The following DSCAM variants were observed in gnomAD, a reference collection of about 807,000 sequenced individuals.
The protein encoded by DSCAM is cell adhesion molecule DSCAM.
DSCAM carries 47 observed loss-of-function variants against 217.7 expected under a neutral mutation model. The ratio of observed to expected loss-of-function variants is 0.22; its 90% CI spans 0.17 to 0.28. The LOEUF (loss-of-function observed/expected upper bound fraction) is 0.28. Among genes scored for constraint, DSCAM ranks in the 10% least tolerant of loss-of-function variants. The pLI is 1.00. For synonymous variants in DSCAM, 1,056 were observed against 1,015.3 expected (o/e 1.04, Z -0.76); for missense variants, 2,080 against 2,618.3 (o/e 0.79, Z 4.49).
chr21:40,317,598 C>A (rs1052440616), intron 8 of DSCAM, among the ~76,000 whole-genome samples: 1 of 151,868 alleles, frequency 6.6e-6, no homozygotes, highest in African/African-American at 2.4e-5. Flanking sequence ...GGCATGATCT[C>A]GCCTCACTGC....
At chr21:40,539,490 C>T (rs1330308162) in intron 3 of DSCAM, among the ~76,000 whole-genome samples, 3 of 148,256 alleles carry the variant, frequency 2.0e-5, no homozygotes, top group Non-Finnish European at 4.5e-5. Flanking sequence ...AGCGAGACTC[C>T]ATCTCAAAAA....
intron 11 of DSCAM, among the ~76,000 whole-genome samples, chr21:40,246,790 G>A (rs562777857): frequency 6.6e-6 from 1 of 152,322 alleles, no homozygotes; most frequent in Non-Finnish European, 1.5e-5. Flanking sequence ...TCAATGTGGA[G>A]ACTGAGAGAG....
intron 32 of DSCAM, among the ~76,000 whole-genome samples, chr21:40,017,103 CAA>C (rs372118440): frequency 2.8e-3 from 239 of 86,182 alleles, no homozygotes; most frequent in African/African-American, 3.6e-3. Flanking sequence ...AACTCCATCT[CAA>C]AAAAAAAAAA....
intron 3 of DSCAM, among the ~76,000 whole-genome samples, chr21:40,391,214 C>T (rs2075130933): frequency 6.6e-6 from 1 of 152,196 alleles, no homozygotes; most frequent in Non-Finnish European, 1.5e-5. Flanking sequence ...GGGCTGGACT[C>T]ATGGCTGTTA....
intron 3 of DSCAM, among the ~76,000 whole-genome samples, chr21:40,552,885 C>A (rs2076641614): frequency 6.6e-6 from 1 of 152,128 alleles, no homozygotes; most frequent in African/African-American, 2.4e-5. Flanking sequence ...GCATTATTTT[C>A]TATGCTTAAG....
intron 3 of DSCAM, among the ~76,000 whole-genome samples, chr21:40,565,929 T>C (rs776455919): frequency 7.2e-4 from 109 of 152,138 alleles, no homozygotes; most frequent in Admixed American, 3.1e-3. Context: ...CAACAACATG[T>C]ACCCTTTTAT....
intron 3 of DSCAM, among the ~76,000 whole-genome samples, chr21:40,591,712 T>C (rs1426540472): frequency 1.3e-5 from 2 of 152,230 alleles, no homozygotes; most frequent in Non-Finnish European, 2.9e-5. Context: ...ATAGTTATAA[T>C]AGGGACAAAC....
chr21:40,537,418 A>C (rs1384457150), intron 3 of DSCAM, among the ~76,000 whole-genome samples: 1 of 152,178 alleles, frequency 6.6e-6, no homozygotes, highest in Non-Finnish European at 1.5e-5. Flanking sequence ...AACATTGTTT[A>C]TTTGTGACAT....
chr21:40,669,224 T>C (rs907793034), intron 3 of DSCAM, among the ~76,000 whole-genome samples: 1 of 152,166 alleles, frequency 6.6e-6, no homozygotes, highest in African/African-American at 2.4e-5. Context: ...CTATATGATC[T>C]GTTTAAATTA....
At chr21:40,491,903 C>T (rs775727625) in intron 3 of DSCAM, among the ~76,000 whole-genome samples, 4 of 152,172 alleles carry the variant, frequency 2.6e-5, no homozygotes, top group Admixed American at 1.3e-4. Context: ...CCCCCCTTCC[C>T]GGGGGTCTCA....
In DSCAM at chr21:40,536,702, G is replaced by A. The variant is rs191302033; in HGVS notation, c.508+156108C>T. On this transcript the variant is annotated intron_variant, in intron 3 of 32. Transcript: ENST00000400454. ...ATTACAGGCGTGAGCCACTGCACCC[G>A]GTCCCGGTAGATTCTAATCTAATTC... is the stretch of plus-strand genomic sequence containing the variant. 1.6e-3 allele frequency among the ~76,000 whole-genome samples: 244 copies of A among 152,270 alleles called. 1 individual carries two copies. The highest frequency in any genetic ancestry group is 4.6e-3 in the African/African-American group (193 of 41,548).
At chr21:40,670,794 C>T (rs1381396698) in intron 3 of DSCAM, among the ~76,000 whole-genome samples, 3 of 152,168 alleles carry the variant, frequency 2.0e-5, no homozygotes, top group African/African-American at 7.2e-5. Flanking sequence ...CTGCTATGAA[C>T]ATGGGTGTAC....
intron 3 of DSCAM, among the ~76,000 whole-genome samples, chr21:40,516,749 C>G (rs2076302756): frequency 6.6e-6 from 1 of 152,032 alleles, no homozygotes; most frequent in Non-Finnish European, 1.5e-5. Flanking sequence ...GGGAAGGACT[C>G]TGCAGTGCCC....
intron 17 of DSCAM, 26 bp from the exon 18 acceptor site, chr21:40,142,730 A>G: frequency 6.2e-7 from 1 of 1,606,804 alleles, no homozygotes; most frequent in Non-Finnish European, 8.5e-7. Flanking sequence ...TAGAATCTGT[A>G]ATAACTGTGG....
intron 1 of DSCAM, among the ~76,000 whole-genome samples, chr21:40,804,365 C>T (rs568713379): frequency 1.3e-5 from 2 of 152,298 alleles, no homozygotes; most frequent in East Asian, 1.9e-4. Flanking sequence ...TCCAACCTTT[C>T]CCTGATGATT....
At chr21:40,042,167 C>T (rs894661175) in intron 32 of DSCAM, among the ~76,000 whole-genome samples, 16 of 152,160 alleles carry the variant, frequency 1.1e-4, no homozygotes, top group African/African-American at 2.7e-4. Flanking sequence ...CACTAGGTCC[C>T]GCCCAAATTT....
chr21:40,293,950 G>C (rs914247096), intron 10 of DSCAM, among the ~76,000 whole-genome samples: 36 of 152,190 alleles, frequency 2.4e-4, no homozygotes, highest in African/African-American at 8.7e-4. Flanking sequence ...TGTATAATGT[G>C]TATCTATGGG....
At chr21:40,694,091 G>C (rs2090571253) in intron 2 of DSCAM, among the ~76,000 whole-genome samples, 1 of 152,198 alleles carries the variant, frequency 6.6e-6, no homozygotes, top group East Asian at 1.9e-4. Context: ...CTTACCAATA[G>C]CCAGAGATGG....
chr21:40,715,079 T>C (rs1344722397), intron 1 of DSCAM, among the ~76,000 whole-genome samples: 1 of 152,230 alleles, frequency 6.6e-6, no homozygotes, highest in Admixed American at 6.5e-5. Context: ...CTTCTCAGCC[T>C]CCAGAGCCAT....
Sources: gnomAD v4.1 joint callset for allele counts (sites outside exome capture counted in the v4.1 genomes callset) on GRCh38, gnomAD v4.1.1 for gene constraint, MANE v1.5 for transcripts, NCBI Gene and HGNC (gene_info 2026-07-23, HGNC 2026-07-21) for gene names.